PALD1: variants seen among roughly 807,000 people sequenced by gnomAD.
PALD1 encodes phosphatase domain containing paladin 1.
In PALD1, 57 loss-of-function variants were observed where a neutral mutation model predicts 96.0. The observed-to-expected ratio is 0.59, with a 90% CI of 0.48 to 0.74. The LOEUF is 0.74. PALD1 is among the 30% of genes least tolerant of loss of function. The pLI is 0.00. For synonymous variants in PALD1, 464 were observed against 473.6 expected (o/e 0.98, Z 0.26); for missense variants, 1,063 against 1,143.7 (o/e 0.93, Z 1.02).
intron 1 of PALD1, among the ~76,000 whole-genome samples, chr10:70,516,391 C>G (rs1055660468): frequency 1.3e-5 from 2 of 152,218 alleles, no homozygotes; most frequent in African/African-American, 4.8e-5. Context: ...ACCTCAGCCT[C>G]TTACAGGTGT....
intron 1 of PALD1, among the ~76,000 whole-genome samples, chr10:70,482,556 C>T (rs1442712204): frequency 6.6e-6 from 1 of 152,162 alleles, no homozygotes; most frequent in East Asian, 1.9e-4. Context: ...GGTCTGGAAG[C>T]ACTGGCCTTT....
chr10:70,534,844 G>A lies in PALD1; in HGVS notation c.1227+1G>A. 2 of 1,598,672 alleles carry A rather than the reference G, an allele frequency of 1.3e-6. No homozygotes were observed. The highest frequency in any genetic ancestry group is 1.7e-6 in the Non-Finnish European group (2 of 1,167,800). On this transcript the variant is annotated splice_donor_variant, in intron 10 of 19. Transcript: ENST00000263563. LOFTEE classifies it high-confidence loss of function. ...TATCCGACCGGAGAGCCCAGCCCAG[G>A]TGAGGCATGGAAGGACGTGTGAGCA...
chr10:70,507,972 A>C (rs1419407196), intron 1 of PALD1, among the ~76,000 whole-genome samples: 1 of 152,182 alleles, frequency 6.6e-6, no homozygotes, highest in Non-Finnish European at 1.5e-5. Context: ...GTCCCCAGGG[A>C]GACCCCTGTG....
chr10:70,464,035 C>T, the PALD1 span, among the ~76,000 whole-genome samples: 20 of 152,104 alleles, frequency 1.3e-4, no homozygotes, highest in Admixed American at 3.3e-4. Flanking sequence ...CCACGTAACC[C>T]CTATCCAGAT....
intron 2 of PALD1, among the ~76,000 whole-genome samples, chr10:70,526,662 A>G (rs1199775420): frequency 2.6e-5 from 4 of 152,072 alleles, no homozygotes; most frequent in African/African-American, 9.7e-5. Flanking sequence ...CATCCAGAGG[A>G]AGAGGGTTAT....
chr10:70,531,116 AG>A (rs1846980628), intron 4 of PALD1, among the ~76,000 whole-genome samples, 173 bp from the exon 5 acceptor site: 1 of 152,298 alleles, frequency 6.6e-6, no homozygotes, highest in East Asian at 1.9e-4. Context: ...GGAGGGTCAC[AG>A]GGAGGTAGCA....
intron 18 of PALD1, among the ~76,000 whole-genome samples, chr10:70,555,235 A>G (rs1271486481): frequency 1.3e-5 from 2 of 151,218 alleles, no homozygotes; most frequent in Non-Finnish European, 2.9e-5. Context: ...TCGGCCTCCC[A>G]CAGTGCTGGG....
upstream of PALD1, among the ~76,000 whole-genome samples, chr10:70,476,083 T>G (rs533847142): frequency 1.3e-4 from 20 of 152,260 alleles, no homozygotes; most frequent in South Asian, 4.1e-3. Context: ...GTGCTGGCAG[T>G]GCTGGTGGAG....
intron 1 of PALD1, among the ~76,000 whole-genome samples, chr10:70,507,881 A>G (rs1465972571): frequency 6.6e-6 from 1 of 152,042 alleles, no homozygotes; most frequent in Non-Finnish European, 1.5e-5. Context: ...TGTTTTGTTT[A>G]TCCAAGTGGC....
intron 1 of PALD1, among the ~76,000 whole-genome samples, chr10:70,501,973 G>C (rs76378390): frequency 0.016 from 2,417 of 151,932 alleles, 63 homozygotes; most frequent in African/African-American, 0.054. Flanking sequence ...TTCTACATCA[G>C]TAAATAAGCT....
chr10:70,471,832 GTTCT>G, the PALD1 span, among the ~76,000 whole-genome samples: 1 of 152,220 alleles, frequency 6.6e-6, no homozygotes, highest in Non-Finnish European at 1.5e-5. Context: ...CAGCGCTTAG[GTTCT>G]TTGAGGCTCA....
At position 70,505,273 on chromosome 10, in the gene PALD1, G is replaced by C. The variant is rs138201458; in HGVS notation, c.-29-20650G>C. On this transcript the variant is annotated intron_variant, in intron 1 of 19. Coordinates refer to ENST00000263563, the MANE Select transcript of PALD1 (RefSeq NM_014431.3). ...TTAAGTCAGTTGTTTTCTTTGAAGG[G>C]ACAGGCTCACTTTACTCATTTTTGT... is the stretch of plus-strand genomic sequence containing the variant. Among the ~76,000 whole-genome samples, 65 of 152,256 alleles carry C rather than the reference G, an allele frequency of 4.3e-4. 3 individuals are homozygous for C. The East Asian group carries it at 0.013, about 29-fold the overall frequency.
chr10:70,462,778 G>A, the PALD1 span, among the ~76,000 whole-genome samples: 11 of 152,300 alleles, frequency 7.2e-5, no homozygotes, highest in South Asian at 1.2e-3. Flanking sequence ...GCCTGCAGGC[G>A]GGGACAGTGG....
At position 70,538,956 on chromosome 10, in the gene PALD1, T is replaced by A; in HGVS notation, c.1517T>A (p.Phe506Tyr). 2 of 1,613,798 alleles carry A rather than the reference T, an allele frequency of 1.2e-6. No homozygotes were observed. Among genetic ancestry groups the A allele is most frequent in the Non-Finnish European group, 1.7e-6 (2 of 1,179,964 alleles). Reference protein sequence around the residue: ...STVREMDVANFRRVPRMPIYG... With the variant: ...STVREMDVANYRRVPRMPIYG... ...GTCAGAGAGATGGATGTGGCCAACT[T>A]CCGGCGGGTGCCCCGCATGCCCATC... Residue 506 changes from phenylalanine to tyrosine, a missense_variant, in exon 13 of 20, where the codon TTC (phenylalanine) becomes TAC (tyrosine). By Grantham distance (22) the Phe-to-Tyr change is conservative (BLOSUM62 3). Transcript: ENST00000263563.
intron 2 of PALD1, 52 bp downstream of exon 2, chr10:70,526,188 G>A (rs751381307): frequency 4.0e-6 from 6 of 1,514,976 alleles, no homozygotes; most frequent in South Asian, 3.5e-5. Context: ...GATGGGCGGG[G>A]GGACCTGCTT....
chr10:70,492,491 C>G (rs575191314), intron 1 of PALD1, among the ~76,000 whole-genome samples: 2 of 114,524 alleles, frequency 1.7e-5, no homozygotes, highest in East Asian at 6.0e-4. Flanking sequence ...GAGTCTTGCT[C>G]TGTCACCCAG....
In PALD1 at chr10:70,534,519, G is replaced by C. The variant is rs1357274754; in HGVS notation, c.1117G>C (p.Glu373Gln). 6.2e-7 allele frequency: 1 copy of C among 1,609,306 alleles called. No individual in the cohort carries two copies. Among genetic ancestry groups the C allele is most frequent in the African/African-American group, 1.3e-5 (1 of 74,844 alleles). The stretch of plus-strand genomic sequence containing the variant: ...GGTGCCCCAGGGAAGGAGGATGGTG[G>C]AAGAGGTGAGTGAGGGACAGCAAAG... The part of the protein sequence containing the change: ...RMVPQGRRMV[E>Q]EVDRAITACA... The change falls in exon 9 of 20, where the codon GAA (glutamate) becomes CAA (glutamine). Residue 373 changes from glutamate (E) to glutamine (Q), a missense_variant. Coordinates refer to ENST00000263563, the MANE Select transcript of PALD1 (RefSeq NM_014431.3).
chr10:70,500,959 T>A lies in PALD1; in HGVS notation c.-30+21900T>A, dbSNP rs73270814. ...TCCTGTTTCCTCCTTGGCCTCTGTATGCCCACCCATTCCTGGCTCCCATGA... is the reference window on the plus strand; with the variant it reads ...TCCTGTTTCCTCCTTGGCCTCTGTAAGCCCACCCATTCCTGGCTCCCATGA... On this transcript the variant is annotated intron_variant, in intron 1 of 19. Coordinates refer to ENST00000263563, the MANE Select transcript of PALD1 (RefSeq NM_014431.3). 3.4e-3 allele frequency among the ~76,000 whole-genome samples: 523 copies of A among 152,318 alleles called. 3 individuals are homozygous for A. The highest frequency in any genetic ancestry group is 0.012 in the African/African-American group (494 of 41,568).
the PALD1 span, among the ~76,000 whole-genome samples, chr10:70,464,488 A>G: frequency 6.6e-6 from 1 of 151,760 alleles, no homozygotes; most frequent in Non-Finnish European, 1.5e-5. Flanking sequence ...TACTGGGATT[A>G]CATGCATGAG....
Sources: allele counts gnomAD v4.1 joint callset (sites outside exome capture counted in the v4.1 genomes callset), GRCh38; gene constraint gnomAD v4.1.1; transcripts MANE v1.5; gene names NCBI Gene and HGNC (gene_info 2026-07-23, HGNC 2026-07-21).